LRRTM4: variants seen among roughly 807,000 people sequenced by gnomAD.
LRRTM4 encodes leucine-rich repeat transmembrane neuronal protein 4.
In LRRTM4, 25 loss-of-function variants were observed where a neutral mutation model predicts 47.6. The ratio of observed to expected loss-of-function variants is 0.53; its 90% CI spans 0.38 to 0.73. LRRTM4 has a LOEUF of 0.73. Ranked by LOEUF, LRRTM4 falls within the 30% of genes least tolerant of loss-of-function variation. The probability of loss-of-function intolerance (pLI) is 0.00; values close to 1 mark genes in which losing one functional copy is unlikely to be tolerated. For missense variants in LRRTM4, 638 were observed against 713.4 expected (o/e 0.89, Z 1.20); for synonymous variants, 311 against 269.5 (o/e 1.15, Z -1.51).
intron 3 of LRRTM4, among the ~76,000 whole-genome samples, chr2:77,254,912 A>T (rs1406167252): frequency 6.6e-6 from 1 of 151,768 alleles, no homozygotes; most frequent in Non-Finnish European, 1.5e-5. Context: ...AAAAAAAAAA[A>T]AGGACAGTCA....
intron 3 of LRRTM4, among the ~76,000 whole-genome samples, chr2:77,220,860 C>T (rs1208664937): frequency 6.6e-6 from 1 of 152,148 alleles, no homozygotes; most frequent in Non-Finnish European, 1.5e-5. Flanking sequence ...GAGAACGCCA[C>T]AAAGATACTC....
At chr2:77,470,782 G>C (rs1000711193) in intron 3 of LRRTM4, among the ~76,000 whole-genome samples, 3 of 152,096 alleles carry the variant, frequency 2.0e-5, no homozygotes, top group Non-Finnish European at 2.9e-5. Flanking sequence ...ATGGACAACT[G>C]CACCTTTCCA....
chr2:77,355,322 C>T (rs1403035064), intron 3 of LRRTM4, among the ~76,000 whole-genome samples: 2 of 152,076 alleles, frequency 1.3e-5, no homozygotes, highest in South Asian at 2.1e-4. Flanking sequence ...TCCTTAATAA[C>T]TTAAATTGGA....
Position 77,469,802 on chromosome 2 carries a change from T to G in LRRTM4, c.1551+48516A>C, listed in dbSNP as rs2103990142. 1.3e-5 allele frequency among the ~76,000 whole-genome samples: 2 copies of G among 152,228 alleles called. 1 individual carries two copies. Among genetic ancestry groups the G allele is most frequent in the East Asian group, 3.9e-4 (2 of 5,180 alleles). ...GCTTGGTATTATAATTTATACATAT[T>G]CAAGGGAAACCTTCTTCTTCTATAG... On this transcript the variant is annotated intron_variant, in intron 3 of 3. Coordinates refer to ENST00000409884, the MANE Select transcript of LRRTM4 (RefSeq NM_001134745.3).
At chr2:76,972,910 T>C (rs757161532) in intron 3 of LRRTM4, among the ~76,000 whole-genome samples, 1 of 152,012 alleles carries the variant, frequency 6.6e-6, no homozygotes, top group Non-Finnish European at 1.5e-5. Context: ...CAAAAAAGGT[T>C]GTTAACTCAT....
At chr2:77,025,349 A>G (rs184734338) in intron 3 of LRRTM4, among the ~76,000 whole-genome samples, 1 of 152,286 alleles carries the variant, frequency 6.6e-6, no homozygotes, top group East Asian at 1.9e-4. Context: ...GAATAGTACT[A>G]GGTCCTTCTA....
chr2:76,840,844 A>G (rs888543166), intron 3 of LRRTM4, among the ~76,000 whole-genome samples: 3 of 152,126 alleles, frequency 2.0e-5, no homozygotes, highest in African/African-American at 4.8e-5. Flanking sequence ...AAACTAGTTC[A>G]ACCATTGTGG....
intron 3 of LRRTM4, among the ~76,000 whole-genome samples, chr2:76,982,799 C>A (rs1676656681): frequency 6.6e-6 from 1 of 151,958 alleles, no homozygotes; most frequent in Non-Finnish European, 1.5e-5. Flanking sequence ...AACACACTTG[C>A]CAATTAAAAA....
chr2:76,932,146 T>C (rs1347765770), intron 3 of LRRTM4, among the ~76,000 whole-genome samples: 1 of 152,096 alleles, frequency 6.6e-6, no homozygotes, highest in Non-Finnish European at 1.5e-5. Context: ...GGAAAAAGTA[T>C]CTTGAGCCAC....
At chr2:77,147,336 G>A (rs1021829329) in intron 3 of LRRTM4, among the ~76,000 whole-genome samples, 3 of 152,148 alleles carry the variant, frequency 2.0e-5, no homozygotes, top group Non-Finnish European at 4.4e-5. Flanking sequence ...ACTCAGCTCA[G>A]ACAATAAAAC....
chr2:77,062,194 C>T (rs1363920234), intron 3 of LRRTM4, among the ~76,000 whole-genome samples: 1 of 152,162 alleles, frequency 6.6e-6, no homozygotes, highest in Non-Finnish European at 1.5e-5. Context: ...TTATTGGACA[C>T]TCCTCCAAAC....
intron 3 of LRRTM4, among the ~76,000 whole-genome samples, chr2:77,035,845 A>G (rs936067443): frequency 3.3e-5 from 5 of 151,892 alleles, no homozygotes; most frequent in East Asian, 3.9e-4. Flanking sequence ...ACGTACCACA[A>G]TGGCATCTAA....
chr2:77,441,910 T>C (rs1675856653), intron 3 of LRRTM4, among the ~76,000 whole-genome samples: 1 of 152,178 alleles, frequency 6.6e-6, no homozygotes, highest in Admixed American at 6.5e-5. Context: ...AAAGTCTTCT[T>C]TTGAATTTTC....
At chr2:77,013,454 C>G (rs1677947355) in intron 3 of LRRTM4, among the ~76,000 whole-genome samples, 1 of 151,368 alleles carries the variant, frequency 6.6e-6, no homozygotes, top group African/African-American at 2.4e-5. Flanking sequence ...GGATGGAAAA[C>G]TGGTAGTCAA....
chr2:76,920,168 A>C lies in LRRTM4; in HGVS notation c.1552-171252T>G, dbSNP rs374656620. 5.9e-5 allele frequency among the ~76,000 whole-genome samples: 9 copies of C among 152,278 alleles called. No individual in the cohort carries two copies. In the East Asian group the frequency reaches 1.5e-3, roughly 26 times the overall value. The stretch of plus-strand genomic sequence containing the variant: ...AAAAATCACTTCGAAGGAGATATTT[A>C]TGACACTGTAATCTTAATGGAAATA... On this transcript the variant is annotated intron_variant, in intron 3 of 3. Coordinates refer to ENST00000409884, the MANE Select transcript of LRRTM4 (RefSeq NM_001134745.3).
At chr2:77,425,459 A>C (rs1271403556) in intron 3 of LRRTM4, among the ~76,000 whole-genome samples, 1 of 152,136 alleles carries the variant, frequency 6.6e-6, no homozygotes, top group East Asian at 1.9e-4. Context: ...TTTCCTGGTT[A>C]TCTATCTTTT....
chr2:77,387,018 G>A, intron 3 of LRRTM4, among the ~76,000 whole-genome samples: 1 of 152,064 alleles, frequency 6.6e-6, no homozygotes, highest in South Asian at 2.1e-4. Context: ...TTACTGTACT[G>A]GATTTGAAGC....
At chr2:77,410,926 G>A (rs1674395059) in intron 3 of LRRTM4, among the ~76,000 whole-genome samples, 1 of 152,066 alleles carries the variant, frequency 6.6e-6, no homozygotes, top group African/African-American at 2.4e-5. Context: ...CCAAACATTT[G>A]TTGGAAACTT....
At chr2:77,113,829 C>G (rs1001676261) in intron 3 of LRRTM4, among the ~76,000 whole-genome samples, 1 of 151,974 alleles carries the variant, frequency 6.6e-6, no homozygotes, top group Non-Finnish European at 1.5e-5. Context: ...TAGTTTGGCC[C>G]CGGAGCCATT....
Sources: allele counts gnomAD v4.1 joint callset (sites outside exome capture counted in the v4.1 genomes callset), GRCh38; gene constraint gnomAD v4.1.1; transcripts MANE v1.5; gene names NCBI Gene and HGNC (gene_info 2026-07-23, HGNC 2026-07-21).